BABAM2: variants seen among roughly 807,000 people sequenced by gnomAD.
The protein encoded by BABAM2 is BRISC and BRCA1 A complex member 2.
Under a neutral mutation model 54.7 loss-of-function variants are expected in BABAM2, and 31 were observed. The observed-to-expected ratio is 0.57, with a 90% confidence interval of 0.43 to 0.77. The LOEUF (loss-of-function observed/expected upper bound fraction) is 0.77. Among genes scored for constraint, BABAM2 ranks in the 30% least tolerant of loss-of-function variants. The pLI is 0.00. For synonymous variants in BABAM2, 167 were observed against 162.9 expected (o/e 1.03, Z -0.19); for missense variants, 364 against 455.8 (o/e 0.80, Z 1.83).
chr2:28,050,585 G>T (rs959879133), intron 6 of BABAM2, among the ~76,000 whole-genome samples: 2 of 152,168 alleles, frequency 1.3e-5, no homozygotes, highest in African/African-American at 4.8e-5. Context: ...ATGATACTGG[G>T]ATTAGACAAA....
chr2:27,929,097 G>A (rs1667920621), intron 2 of BABAM2, among the ~76,000 whole-genome samples: 1 of 150,612 alleles, frequency 6.6e-6, no homozygotes, highest in Admixed American at 6.6e-5. Context: ...GTGCACCTGT[G>A]GTCCCAGCTG....
In BABAM2 at chr2:28,112,083, C is replaced by CTCTTTCTTTCTTTCTTTCTTTCTT. The variant is rs1194065542; in HGVS notation, c.571-17146_571-17123dup. ...ATACTTTTTCTTGAGATACCCATTACTCTTTCTTTCTTTCTTTCTTTCTTT... is the reference window on the plus strand; with the variant it reads ...ATACTTTTTCTTGAGATACCCATTACTCTTTCTTTCTTTCTTTCTTTCTTTCTTTCTTTCTTTCTTTCTTTCTTT... On this transcript the variant is annotated intron_variant, in intron 6 of 11. Transcript: ENST00000379624. Among the ~76,000 whole-genome samples, 7 of 98,812 alleles carry CTCTTTCTTTCTTTCTTTCTTTCTT rather than the reference C, an allele frequency of 7.1e-5. 2 individuals are homozygous for CTCTTTCTTTCTTTCTTTCTTTCTT. The highest frequency in any genetic ancestry group is 1.1e-4 in the African/African-American group (3 of 27,916). The allele number at this position is 98,812 out of a possible 152,430, so 64.8% of individuals were successfully genotyped here.
At position 28,124,086 on chromosome 2, in the gene BABAM2, T is replaced by C. The variant is rs533531478; in HGVS notation, c.571-5185T>C. Among the ~76,000 whole-genome samples the C allele has an allele frequency of 1.1e-4, 16 of 152,336 alleles. No individual in the cohort carries two copies. The East Asian group carries it at 2.9e-3, about 28-fold the overall frequency. ...AGTGTGTTTTTGCAAGGTTATGTGA[T>C]TTGTAATCATAGCCTCTAGCCTTGA... On this transcript the variant is annotated intron_variant, in intron 6 of 11. Coordinates refer to ENST00000379624, the MANE Select transcript of BABAM2 (RefSeq NM_199191.3).
intron 7 of BABAM2, among the ~76,000 whole-genome samples, chr2:28,230,729 A>AG (rs1223345389): frequency 2.6e-5 from 4 of 151,242 alleles, no homozygotes; most frequent in African/African-American, 4.9e-5. Flanking sequence ...AAAAAAAAAA[A>AG]AAGAAGAAGA....
intron 3 of BABAM2, among the ~76,000 whole-genome samples, chr2:27,985,061 G>GTGTGTGTGTT (rs1487752576): frequency 1.4e-5 from 2 of 144,308 alleles, no homozygotes. Flanking sequence ...TCCATGATGT[G>GTGTGTGTGTT]TGTGTGTGTG....
intron 4 of BABAM2, among the ~76,000 whole-genome samples, chr2:28,006,138 G>A (rs1298422729): frequency 6.6e-6 from 1 of 151,174 alleles, no homozygotes; most frequent in Admixed American, 6.6e-5. Flanking sequence ...GCAGAAACAG[G>A]GCCATTTGTC....
intron 8 of BABAM2, among the ~76,000 whole-genome samples, chr2:28,240,109 C>CTT (rs545871952): frequency 7.0e-6 from 1 of 142,958 alleles, no homozygotes. Flanking sequence ...TTTCTTTTTT[C>CTT]TTTTTTTTTT....
intron 10 of BABAM2, among the ~76,000 whole-genome samples, chr2:28,266,622 A>C (rs1290748842): frequency 6.6e-6 from 1 of 152,238 alleles, no homozygotes; most frequent in Non-Finnish European, 1.5e-5. Context: ...TTGGTAGGAC[A>C]GGTATTGTCC....
At chr2:28,145,696 A>G (rs1285626600) in intron 7 of BABAM2, among the ~76,000 whole-genome samples, 2 of 152,168 alleles carry the variant, frequency 1.3e-5, no homozygotes, top group African/African-American at 4.8e-5. Flanking sequence ...TCCTCACCCC[A>G]GAAAAGATAT....
chr2:28,250,890 C>T (rs1428833968), intron 10 of BABAM2, among the ~76,000 whole-genome samples: 3 of 152,182 alleles, frequency 2.0e-5, no homozygotes, highest in Admixed American at 1.3e-4. Context: ...TGAGCCACCA[C>T]GCCCAGCCAC....
intron 6 of BABAM2, among the ~76,000 whole-genome samples, chr2:28,113,155 C>T (rs1472275388): frequency 3.9e-5 from 6 of 152,134 alleles, no homozygotes; most frequent in Non-Finnish European, 7.4e-5. Flanking sequence ...TGTAGGTTGC[C>T]TGTTCACTCT....
intron 9 of BABAM2, among the ~76,000 whole-genome samples, chr2:28,242,435 T>C (rs1001463149): frequency 6.6e-6 from 1 of 152,194 alleles, no homozygotes; most frequent in African/African-American, 2.4e-5. Flanking sequence ...CTGATCAAGC[T>C]TCTTCTCAGG....
intron 6 of BABAM2, among the ~76,000 whole-genome samples, chr2:28,105,030 G>A (rs1573586131): frequency 6.6e-6 from 1 of 151,000 alleles, no homozygotes; most frequent in Admixed American, 6.6e-5. Context: ...CACACATCGG[G>A]GCCTGTTGTG....
intron 2 of BABAM2, among the ~76,000 whole-genome samples, chr2:27,909,710 G>A (rs1239530074): frequency 6.6e-6 from 1 of 152,140 alleles, no homozygotes; most frequent in Non-Finnish European, 1.5e-5. Context: ...TGTATCACTA[G>A]TATCTCCTTC....
chr2:28,099,439 G>T (rs1323655949), intron 6 of BABAM2, among the ~76,000 whole-genome samples: 1 of 152,094 alleles, frequency 6.6e-6, no homozygotes, highest in East Asian at 1.9e-4. Context: ...TTTTCTATAA[G>T]CACTTGTTGC....
chr2:27,931,033 A>G (rs1170833998), intron 3 of BABAM2, among the ~76,000 whole-genome samples: 1 of 152,214 alleles, frequency 6.6e-6, no homozygotes, highest in Non-Finnish European at 1.5e-5. Flanking sequence ...TCTGTATAGT[A>G]TTTTGTATTC....
intron 6 of BABAM2, among the ~76,000 whole-genome samples, chr2:28,122,072 T>G (rs1000583371): frequency 6.6e-6 from 1 of 152,016 alleles, no homozygotes; most frequent in Non-Finnish European, 1.5e-5. Context: ...AAAAATTAGC[T>G]GGCCATGGTG....
At chr2:27,903,860 T>A (rs879411807) in intron 2 of BABAM2, among the ~76,000 whole-genome samples, 1 of 152,254 alleles carries the variant, frequency 6.6e-6, no homozygotes, top group Non-Finnish European at 1.5e-5. Flanking sequence ...CAGCATATTT[T>A]TTTTTAATTC....
At chr2:28,247,926 G>A (rs1056508170) in intron 10 of BABAM2, among the ~76,000 whole-genome samples, 5 of 152,204 alleles carry the variant, frequency 3.3e-5, no homozygotes, top group African/African-American at 1.2e-4. Context: ...CATTCTGGCA[G>A]TTCCAGGAGT....
Sources: allele counts gnomAD v4.1 joint callset (sites outside exome capture counted in the v4.1 genomes callset), GRCh38; gene constraint gnomAD v4.1.1; transcripts MANE v1.5; gene names NCBI Gene and HGNC (gene_info 2026-07-23, HGNC 2026-07-21).